The following KLC1 variants were observed in gnomAD, a reference collection of about 807,000 sequenced individuals.
KLC1 encodes kinesin 2 60/70kDa.
Under a neutral mutation model 84.2 loss-of-function variants are expected in KLC1, and 30 were observed. The ratio of observed to expected loss-of-function variants is 0.36; its 90% confidence interval spans 0.27 to 0.48. The LOEUF (loss-of-function observed/expected upper bound fraction) is 0.48. Among genes scored for constraint, KLC1 ranks in the 20% least tolerant of loss-of-function variants. KLC1 has a pLI of 0.99. For synonymous variants in KLC1, 289 were observed against 293.3 expected (o/e 0.99, Z 0.15); for missense variants, 499 against 805.4 (o/e 0.62, Z 4.60).
intron 1 of KLC1, among the ~76,000 whole-genome samples, chr14:103,633,739 G>A (rs546986996): frequency 1.7e-4 from 26 of 152,158 alleles, no homozygotes; most frequent in African/African-American, 5.5e-4. Context: ...GGTGCATCTG[G>A]AGTTCTGAAC....
At chr14:103,696,662 C>T in intron 15 of KLC1, 1 of 985,516 alleles carries the variant, frequency 1.0e-6, no homozygotes, top group Non-Finnish European at 1.2e-6. Context: ...GCAGCGGGGC[C>T]AGCTGTCTCA....
intron 15 of KLC1, 62 bp from the exon 16 acceptor site, chr14:103,700,593 C>G: frequency 7.2e-7 from 1 of 1,390,726 alleles, no homozygotes; most frequent in Non-Finnish European, 1.0e-6. Flanking sequence ...GCCCGGAGCT[C>G]TGAAGACGCC....
At chr14:103,699,760 C>T (rs1331440806) in intron 15 of KLC1, among the ~76,000 whole-genome samples, 1 of 152,166 alleles carries the variant, frequency 6.6e-6, no homozygotes, top group Admixed American at 6.5e-5. Context: ...GAGGCCCCAA[C>T]TATAGAAGCT....
chr14:103,689,474 T>A (rs1442135101), intron 14 of KLC1, among the ~76,000 whole-genome samples: 1 of 152,184 alleles, frequency 6.6e-6, no homozygotes, highest in Admixed American at 6.5e-5. Flanking sequence ...GGAAATTGCA[T>A]CCCGTAAAAT....
At chr14:103,699,684 TG>T in intron 15 of KLC1, 1 of 1,088,062 alleles carries the variant, frequency 9.2e-7, no homozygotes, top group Non-Finnish European at 1.4e-6. Flanking sequence ...CCTACCCACC[TG>T]GGGCTCACAG....
At position 103,693,787 on chromosome 14, in the gene KLC1, C is replaced by T. The variant is rs2082258484; in HGVS notation, c.1848+1362C>T. On this transcript the variant is annotated intron_variant, in intron 15 of 16. Coordinates refer to ENST00000334553, the MANE Select transcript of KLC1 (RefSeq NM_001394837.1). This position sits in a 1 kb window ranked among gnomAD's most constrained non-coding sequence, Gnocchi z 5.1. ...TTTTCAAAACACCCGGGAGGCCGTG[C>T]CTCAGCATTCTGTTACTCGGCCTGC... The T allele has an allele frequency of 7.1e-7, 1 of 1,415,998 alleles. No individual in the cohort carries two copies. Among genetic ancestry groups the T allele is most frequent in the Non-Finnish European group, 9.2e-7 (1 of 1,088,612 alleles). The allele number at this position is 1,415,998 out of a possible 1,614,324, so 87.7% of individuals were successfully genotyped here. A position where few individuals can be genotyped will look rare whatever the true frequency, so the allele number is the denominator to read the frequency against.
At chr14:103,629,523 C>G (rs2076498828) in intron 1 of KLC1, 29 bp downstream of exon 1, 1 of 152,512 alleles carries the variant, frequency 6.6e-6, no homozygotes, top group Non-Finnish European at 1.5e-5. Context: ...CCCCGGACCG[C>G]GGCCCCCTCC....
At chr14:103,677,288 A>G (rs1595504945) in intron 11 of KLC1, 127 bp from the exon 12 acceptor site, 2 of 674,772 alleles carry the variant, frequency 3.0e-6, no homozygotes, top group East Asian at 5.2e-5. Flanking sequence ...TCAGAAAAGT[A>G]CAAGAGAAAG....
At chr14:103,679,567 C>T (rs1195981105) in intron 13 of KLC1, 22 bp downstream of exon 13, 1 of 1,586,552 alleles carries the variant, frequency 6.3e-7, no homozygotes, top group Admixed American at 1.7e-5. Flanking sequence ...ACACAGCGGG[C>T]ACGTGCTCCG....
At chr14:103,642,839 C>T (rs2077597355) in intron 1 of KLC1, among the ~76,000 whole-genome samples, 1 of 150,034 alleles carries the variant, frequency 6.7e-6, no homozygotes, top group Admixed American at 6.7e-5. Flanking sequence ...GTGATCTCGG[C>T]TCACTGCAAC....
intron 1 of KLC1, among the ~76,000 whole-genome samples, chr14:103,634,158 C>T (rs1471923675): frequency 2.0e-5 from 3 of 152,172 alleles, no homozygotes; most frequent in South Asian, 2.1e-4. Context: ...CCTGAGCCAC[C>T]GTGCCTGGCC....
At chr14:103,691,350 G>A (rs929030797) in intron 14 of KLC1, among the ~76,000 whole-genome samples, 3 of 151,444 alleles carry the variant, frequency 2.0e-5, no homozygotes, top group African/African-American at 7.3e-5. Context: ...AGTAGAGACA[G>A]GGTTTCACCA....
Position 103,645,599 on chromosome 14 carries a change from A to G in KLC1, c.-1-8965A>G, listed in dbSNP as rs147768176. On this transcript the variant is annotated intron_variant, in intron 1 of 16. Coordinates refer to ENST00000334553, the MANE Select transcript of KLC1 (RefSeq NM_001394837.1). ...GTACATTTACACAAACCTAGGAAGT[A>G]TAACCTACTGCACACCTAGGCTGTA... Among the ~76,000 whole-genome samples, 71 of 152,306 alleles carry G rather than the reference A, an allele frequency of 4.7e-4. 2 individuals are homozygous for G. Among genetic ancestry groups the G allele is most frequent in the African/African-American group, 1.5e-3 (62 of 41,584 alleles).
chr14:103,686,936 T>G, intron 13 of KLC1, 145 bp from the exon 14 acceptor site: 1 of 443,484 alleles, frequency 2.3e-6, no homozygotes, highest in East Asian at 3.6e-5. Context: ...TACATGGTAA[T>G]TGGTGGTTTC....
chr14:103,670,639 T>A (rs925447918), intron 7 of KLC1, among the ~76,000 whole-genome samples: 3 of 151,764 alleles, frequency 2.0e-5, no homozygotes, highest in African/African-American at 7.3e-5. Flanking sequence ...CGGCGCTGTT[T>A]TTTGTGTTTT....
intron 13 of KLC1, among the ~76,000 whole-genome samples, chr14:103,681,587 GAGCTGGGATTACAGGTGTGCGCCACCAC>G (rs1331831376): frequency 6.6e-6 from 1 of 151,838 alleles, no homozygotes; most frequent in Non-Finnish European, 1.5e-5. Flanking sequence ...GCCTCCTGAG[GAGCTGGGATTACAGGTGTGCGCCACCAC>G]ACCTGGCTAA....
At position 103,694,733 on chromosome 14, in the gene KLC1, G is replaced by C. The variant is rs2082324225; in HGVS notation, c.1848+2308G>C. 1 of 985,498 alleles carries C rather than the reference G, an allele frequency of 1.0e-6. No individual in the cohort carries two copies. Among genetic ancestry groups the C allele is most frequent in the Non-Finnish European group, 1.2e-6 (1 of 829,940 alleles). 61.0% of individuals were successfully genotyped at this position (985,498 alleles called of 1,614,324 possible). ...TCAGCTTGCCACTGTCATGTAACAGGGTGGGTGGTGGCACAGCAGAGGCTC... is the reference window on the plus strand; with the variant it reads ...TCAGCTTGCCACTGTCATGTAACAGCGTGGGTGGTGGCACAGCAGAGGCTC... On this transcript the variant is annotated intron_variant, in intron 15 of 16. Transcript: ENST00000334553. This position sits in a 1 kb window ranked among gnomAD's most constrained non-coding sequence, Gnocchi z 4.5.
chr14:103,700,912 G>A (rs76914197), intron 16 of KLC1, among the ~76,000 whole-genome samples, 185 bp downstream of exon 16: 1 of 152,156 alleles, frequency 6.6e-6, no homozygotes, highest in Non-Finnish European at 1.5e-5. Context: ...GCCACAGAGT[G>A]GGGGGGTGGG....
intron 13 of KLC1, among the ~76,000 whole-genome samples, chr14:103,681,520 C>T (rs1158133580): frequency 5.3e-5 from 8 of 152,012 alleles, no homozygotes; most frequent in African/African-American, 1.7e-4. Context: ...AGTGCAGTCA[C>T]GCTATCTCGG....
Sources: allele counts gnomAD v4.1 joint callset (sites outside exome capture counted in the v4.1 genomes callset), GRCh38; gene constraint gnomAD v4.1.1; non-coding constraint Gnocchi (gnomAD v3.1); transcripts MANE v1.5; gene names NCBI Gene and HGNC (gene_info 2026-07-23, HGNC 2026-07-21).